The following MED27 variants were observed in gnomAD, a reference collection of about 807,000 sequenced individuals.
The protein encoded by MED27 is mediator complex subunit 27, also known as mediator of RNA polymerase II transcription subunit 27.
Under a neutral mutation model 38.2 loss-of-function variants are expected in MED27, and 30 were observed. That is an observed-to-expected ratio of 0.79 (90% CI 0.59 to 1.07). The LOEUF is 1.07. Among genes scored for constraint, MED27 ranks in the 50% least tolerant of loss-of-function variants. The probability of loss-of-function intolerance (pLI) is 0.00; values close to 1 mark genes in which losing one functional copy is unlikely to be tolerated. For synonymous variants in MED27, 122 were observed against 153.5 expected (o/e 0.79, Z 1.52); for missense variants, 289 against 397.5 (o/e 0.73, Z 2.32).
chr9:131,863,445 G>T (rs1365796004), intron 6 of MED27, among the ~76,000 whole-genome samples: 1 of 152,184 alleles, frequency 6.6e-6, no homozygotes, highest in Non-Finnish European at 1.5e-5. Flanking sequence ...GCCAGTGGGG[G>T]CAGATCCCAG....
intron 4 of MED27, among the ~76,000 whole-genome samples, chr9:131,933,585 T>G (rs1467601719): frequency 6.6e-6 from 1 of 151,724 alleles, no homozygotes; most frequent in Non-Finnish European, 1.5e-5. Flanking sequence ...ATGAAAACTA[T>G]AAAACTCTCA....
chr9:131,923,143 C>T (rs912811270), intron 4 of MED27, among the ~76,000 whole-genome samples: 4 of 152,174 alleles, frequency 2.6e-5, no homozygotes, highest in Admixed American at 6.5e-5. Flanking sequence ...AATTGGGAAA[C>T]GTGCACTCCT....
intron 2 of MED27, among the ~76,000 whole-genome samples, chr9:132,074,023 C>T (rs1247654302): frequency 6.6e-6 from 1 of 152,204 alleles, no homozygotes; most frequent in African/African-American, 2.4e-5. Context: ...TTCAGGTTAA[C>T]TCTCAGCATC....
At chr9:131,873,390 G>T (rs1433879171) in intron 6 of MED27, among the ~76,000 whole-genome samples, 1 of 152,206 alleles carries the variant, frequency 6.6e-6, no homozygotes, top group African/African-American at 2.4e-5. Flanking sequence ...ATGTTAGGGG[G>T]CGATGGGGAG....
intron 2 of MED27, among the ~76,000 whole-genome samples, chr9:132,075,142 C>G (rs937072046): frequency 6.6e-6 from 1 of 151,966 alleles, no homozygotes; most frequent in Non-Finnish European, 1.5e-5. Flanking sequence ...TGCAAGTAAA[C>G]GGGGAAAAAA....
chr9:131,986,504 C>T (rs1831853079), intron 3 of MED27, among the ~76,000 whole-genome samples: 1 of 152,002 alleles, frequency 6.6e-6, no homozygotes, highest in Non-Finnish European at 1.5e-5. Flanking sequence ...ACCTTTCATA[C>T]AGTATTTTTA....
chr9:132,016,621 T>G (rs997141888), intron 2 of MED27, among the ~76,000 whole-genome samples: 2 of 152,220 alleles, frequency 1.3e-5, no homozygotes, highest in Admixed American at 6.5e-5. Context: ...GAGTGCAATA[T>G]GCATGGGGCT....
intron 4 of MED27, among the ~76,000 whole-genome samples, chr9:131,896,902 T>C (rs1056224050): frequency 1.3e-5 from 2 of 152,210 alleles, no homozygotes; most frequent in Non-Finnish European, 2.9e-5. Context: ...CAGCTAATTT[T>C]TGTATTTTTA....
At chr9:132,060,674 C>T (rs775403966) in intron 2 of MED27, among the ~76,000 whole-genome samples, 4 of 152,192 alleles carry the variant, frequency 2.6e-5, no homozygotes, top group Non-Finnish European at 5.9e-5. Context: ...CCCAGCTGGG[C>T]GCAGTGGCTC....
chr9:131,862,266 C>T lies in MED27; in HGVS notation c.801+797G>A, dbSNP rs114100281. ...AGGTCTTTGGAGTCGGTTCTCTAAC[C>T]GGCAGACTTTCTAGCATGAAGAAAA... On this transcript the variant is annotated intron_variant, in intron 7 of 7. Coordinates refer to ENST00000292035, the MANE Select transcript of MED27 (RefSeq NM_004269.4). This position sits in a 1 kb window ranked among gnomAD's most constrained non-coding sequence, Gnocchi z 4.6. Among the ~76,000 whole-genome samples, 427 of 152,298 alleles carry T rather than the reference C, an allele frequency of 2.8e-3. 2 individuals are homozygous for T. Among genetic ancestry groups the T allele is most frequent in the African/African-American group, 9.5e-3 (394 of 41,558 alleles).
At chr9:132,077,252 A>G (rs1305171106) in intron 2 of MED27, among the ~76,000 whole-genome samples, 190 bp downstream of exon 2, 1 of 152,254 alleles carries the variant, frequency 6.6e-6, no homozygotes, top group African/African-American at 2.4e-5. Context: ...CCTGAACATC[A>G]TGAATCCCCA....
At chr9:131,949,300 CTT>C (rs1187133515) in intron 3 of MED27, among the ~76,000 whole-genome samples, 4 of 152,292 alleles carry the variant, frequency 2.6e-5, no homozygotes, top group Non-Finnish European at 5.9e-5. Context: ...CGAGCTTGGC[CTT>C]TCTGCTAGAG....
chr9:132,057,457 G>A (rs180763223), intron 2 of MED27, among the ~76,000 whole-genome samples: 1 of 152,348 alleles, frequency 6.6e-6, no homozygotes, highest in Admixed American at 6.5e-5. Context: ...CCAGTGGTTG[G>A]TGTGCCTTCA....
In MED27 at chr9:131,935,158, T is replaced by C. The variant is rs375670468; in HGVS notation, c.573+4223A>G. 3.4e-4 allele frequency among the ~76,000 whole-genome samples: 52 copies of C among 152,330 alleles called. 1 individual carries two copies. The South Asian group carries it at 7.9e-3, about 23-fold the overall frequency. ...AAAATAAATAAGACTTAGTATTTGA[T>C]AGCACAACAGGGTGACTACAATCAA... On this transcript the variant is annotated intron_variant, in intron 4 of 7. Transcript: ENST00000292035.
At chr9:131,909,783 T>C (rs1302070652) in intron 4 of MED27, among the ~76,000 whole-genome samples, 8 of 152,218 alleles carry the variant, frequency 5.3e-5, no homozygotes, top group Non-Finnish European at 4.4e-5. Context: ...GTTTGGGTTC[T>C]TGTGTGTCTG....
intron 3 of MED27, among the ~76,000 whole-genome samples, chr9:131,983,375 C>G (rs1189879301): frequency 6.6e-6 from 1 of 152,198 alleles, no homozygotes; most frequent in African/African-American, 2.4e-5. Context: ...GATGGCTAAC[C>G]TGCCAAGCAA....
intron 3 of MED27, among the ~76,000 whole-genome samples, chr9:131,963,462 G>C (rs956404313): frequency 2.0e-5 from 3 of 151,896 alleles, no homozygotes; most frequent in African/African-American, 7.3e-5. Context: ...GGGAACAAGG[G>C]AGACACCTAT....
intron 4 of MED27, among the ~76,000 whole-genome samples, chr9:131,902,438 C>T (rs1829968135): frequency 6.6e-6 from 1 of 152,036 alleles, no homozygotes; most frequent in African/African-American, 2.4e-5. Context: ...GAAACTCTGG[C>T]AGAGCTGGGG....
At chr9:132,044,650 C>T (rs1397458468) in intron 2 of MED27, among the ~76,000 whole-genome samples, 1 of 152,248 alleles carries the variant, frequency 6.6e-6, no homozygotes, top group Non-Finnish European at 1.5e-5. Flanking sequence ...GATCTGCTGA[C>T]CTCACATCTG....
Sources: gnomAD v4.1 joint callset for allele counts (sites outside exome capture counted in the v4.1 genomes callset) on GRCh38, gnomAD v4.1.1 for gene constraint, Gnocchi (gnomAD v3.1) non-coding constraint, MANE v1.5 for transcripts, NCBI Gene and HGNC (gene_info 2026-07-23, HGNC 2026-07-21) for gene names.